FAM120C: variants seen among roughly 807,000 people sequenced by gnomAD.
FAM120C encodes family with sequence similarity 120 member C.
FAM120C carries 14 observed loss-of-function variants against 71.2 expected under a neutral mutation model. The ratio of observed to expected loss-of-function variants is 0.20; its 90% CI spans 0.13 to 0.31. FAM120C has a LOEUF of 0.31. Ranked by LOEUF, FAM120C falls within the 10% of genes least tolerant of loss-of-function variation. The pLI is 1.00. For missense variants in FAM120C, 500 were observed against 879.0 expected (o/e 0.57, Z 5.45); for synonymous variants, 354 against 353.2 (o/e 1.00, Z -0.03).
At chrX:54,128,362 T>G (rs1226740834) in intron 9 of FAM120C, among the ~76,000 whole-genome samples, 2 of 112,830 alleles carry the variant, frequency 1.8e-5, no homozygotes. Context: ...CCCAGCTCAC[T>G]GTGGTTTTAA....
At chrX:54,157,177 T>C (rs781825356) in intron 3 of FAM120C, among the ~76,000 whole-genome samples, 6 of 112,381 alleles carry the variant, frequency 5.3e-5, no homozygotes, top group Non-Finnish European at 9.4e-5. Flanking sequence ...TATTTCATTA[T>C]TGGGTTATCG....
intron 3 of FAM120C, among the ~76,000 whole-genome samples, chrX:54,154,394 C>T (rs961319340): frequency 2.8e-5 from 3 of 108,969 alleles, no homozygotes; most frequent in African/African-American, 1.0e-4. Flanking sequence ...ATCACTTGAG[C>T]TCAGGAGTTT....
chrX:54,178,105 C>T (rs1335804620), intron 1 of FAM120C, among the ~76,000 whole-genome samples: 2 of 111,573 alleles, frequency 1.8e-5, no homozygotes, highest in African/African-American at 6.5e-5. Flanking sequence ...AAGATAATGG[C>T]TCGAAGGAAT....
intron 9 of FAM120C, among the ~76,000 whole-genome samples, chrX:54,128,465 T>C (rs1177029033): frequency 2.7e-5 from 3 of 111,351 alleles, no homozygotes; most frequent in African/African-American, 6.5e-5. Context: ...TCTTTTCTTG[T>C]CCTTTGCCTA....
chrX:54,132,736 C>T lies in FAM120C; in HGVS notation c.2018G>A (p.Arg673Lys), dbSNP rs782658105. The change falls in exon 9 of 16, where the codon AGG becomes AAG. Residue 673 changes from arginine (R) to lysine (K), a missense_variant. Physicochemically the swap from Arg to Lys is conservative, Grantham distance 26 (BLOSUM62 2). Around this residue, in one of 11 missense-constraint regions of FAM120C, gnomAD observed 104 missense variants for 254.5 expected, o/e 0.41. Coordinates refer to ENST00000375180, the MANE Select transcript of FAM120C (RefSeq NM_017848.6). The part of the protein sequence containing the change: ...GVLFSLAETQ[R>K]KMERLAMRRR... Reference sequence around the variant, plus strand: ...TCGCATGGCCAAGCGTTCCATTTTCCTCTGTGTCTCTGCCAGACTAAAAAG... The same window carrying T: ...TCGCATGGCCAAGCGTTCCATTTTCTTCTGTGTCTCTGCCAGACTAAAAAG... 1.7e-6 allele frequency: 2 copies of T among 1,208,022 alleles called. No homozygotes were observed. The highest frequency in any genetic ancestry group is 1.8e-5 in the South Asian group (1 of 55,989).
intron 1 of FAM120C, among the ~76,000 whole-genome samples, chrX:54,165,776 C>CA (rs1244987858): frequency 6.5e-5 from 7 of 107,136 alleles, no homozygotes; most frequent in African/African-American, 2.4e-4. Context: ...GACTACATCT[C>CA]AAAAAAAATA....
intron 1 of FAM120C, among the ~76,000 whole-genome samples, chrX:54,168,878 CCTCT>C (rs1161049805): frequency 7.1e-5 from 8 of 112,313 alleles, no homozygotes; most frequent in South Asian, 3.7e-4. Context: ...CATCCCCCTC[CCTCT>C]CTTTTATTTA....
chrX:54,096,215 A>T (rs1215441061), intron 10 of FAM120C, among the ~76,000 whole-genome samples: 2 of 108,586 alleles, frequency 1.8e-5, no homozygotes, highest in East Asian at 5.9e-4. Context: ...GTTTTAGGCC[A>T]GCGTGACCAA....
chrX:54,088,941 C>CA (rs2066809573), intron 11 of FAM120C, among the ~76,000 whole-genome samples: 1 of 110,048 alleles, frequency 9.1e-6, no homozygotes, highest in Non-Finnish European at 1.9e-5. Context: ...CCCAGTTACT[C>CA]AAGAGGCTGA....
intron 13 of FAM120C, among the ~76,000 whole-genome samples, chrX:54,081,729 G>A (rs1431560829): frequency 1.1e-4 from 11 of 96,103 alleles, no homozygotes; most frequent in African/African-American, 4.2e-4. Flanking sequence ...AGCTGAGACT[G>A]CGCCACTGCA....
chrX:54,176,014 T>C (rs1557136644), intron 1 of FAM120C, among the ~76,000 whole-genome samples: 1 of 112,321 alleles, frequency 8.9e-6, no homozygotes, highest in African/African-American at 3.2e-5. Flanking sequence ...ATGTTAAAGA[T>C]GAAGGATTTT....
In FAM120C at chrX:54,073,192, C is replaced by T; in HGVS notation, c.3132G>A (p.Glu1044=). ...GAGCTGGAAGACGATGATCACTCTT[C>T]TCTTCCTTGATCAATGCGCCACTGT... The part of the protein sequence containing the change: ...NGNSGALIKE[E]KSDHRLPAPS... Residue 1044 remains glutamate (E), a synonymous_variant, in exon 16 of 16, where the codon GAG becomes GAA. Transcript: ENST00000375180. 8.3e-7 allele frequency: 1 copy of T among 1,211,367 alleles called. No individual in the cohort carries two copies. Among genetic ancestry groups the T allele is most frequent in the Non-Finnish European group, 1.1e-6 (1 of 895,335 alleles).
chrX:54,071,330 A>G lies in FAM120C; in HGVS notation c.*1703T>C, dbSNP rs1385543445. 7 of 112,884 alleles carry G rather than the reference A, an allele frequency of 6.2e-5. No individual in the cohort carries two copies. Among genetic ancestry groups the G allele is most frequent in the African/African-American group, 2.2e-4 (7 of 31,124 alleles). 9.3% of individuals were successfully genotyped at this position (112,884 alleles called of 1,213,427 possible). A position where few individuals can be genotyped will look rare whatever the true frequency, so the allele number is the denominator to read the frequency against. ...CAGGAGGCTGAGAATCTTTTAATAGAATTCTTCTCAAGGCCCAGGCCAGAG... is the reference window on the plus strand; with the variant it reads ...CAGGAGGCTGAGAATCTTTTAATAGGATTCTTCTCAAGGCCCAGGCCAGAG... On this transcript the variant is annotated 3_prime_UTR_variant, in exon 16 of 16. Transcript: ENST00000375180.
intron 3 of FAM120C, among the ~76,000 whole-genome samples, chrX:54,154,693 T>C (rs1439900680): frequency 9.2e-6 from 1 of 108,785 alleles, no homozygotes; most frequent in African/African-American, 3.4e-5. Context: ...GGGAGAAACA[T>C]GTTTAGGGAG....
intron 10 of FAM120C, among the ~76,000 whole-genome samples, chrX:54,115,341 A>C (rs2066962434): frequency 8.9e-6 from 1 of 112,221 alleles, no homozygotes. Context: ...ATGGCTAATA[A>C]GCATAAAAAT....
intron 1 of FAM120C, among the ~76,000 whole-genome samples, chrX:54,166,774 A>T (rs1345522470): frequency 8.9e-6 from 1 of 112,055 alleles, no homozygotes; most frequent in African/African-American, 3.2e-5. Flanking sequence ...TATCCATAGT[A>T]TCTCTGAAAG....
At chrX:54,153,862 G>A (rs1021115642) in intron 3 of FAM120C, among the ~76,000 whole-genome samples, 17 of 108,518 alleles carry the variant, frequency 1.6e-4, no homozygotes, top group Non-Finnish European at 1.7e-4. Flanking sequence ...CACCACGCCC[G>A]GCCTTTTAAA....
intron 1 of FAM120C, among the ~76,000 whole-genome samples, chrX:54,179,597 G>A (rs1291264996): frequency 1.8e-5 from 2 of 111,852 alleles, no homozygotes; most frequent in Non-Finnish European, 3.8e-5. Context: ...GACCAGAACC[G>A]AGAGAGAACT....
intron 4 of FAM120C, 91 bp downstream of exon 4, chrX:54,151,154 T>G: frequency 1.9e-6 from 2 of 1,038,155 alleles, no homozygotes; most frequent in Non-Finnish European, 2.7e-6. Flanking sequence ...CTAGGAAAAC[T>G]TAGGTGTCAC....
Sources: allele counts gnomAD v4.1 joint callset (sites outside exome capture counted in the v4.1 genomes callset), GRCh38; gene constraint gnomAD v4.1.1; regional missense constraint gnomAD v4.1.1; transcripts MANE v1.5; gene names NCBI Gene and HGNC (gene_info 2026-07-23, HGNC 2026-07-21).